The following BCHE variants were observed in gnomAD, a reference collection of about 807,000 sequenced individuals.
The protein encoded by BCHE is cholinesterase.
Under a neutral mutation model 51.3 loss-of-function variants are expected in BCHE, and 48 were observed. The ratio of observed to expected loss-of-function variants is 0.94; its 90% CI spans 0.74 to 1.19. BCHE has a LOEUF of 1.19. BCHE is among the 50% of genes most tolerant of loss of function. The pLI, the probability that BCHE is intolerant of heterozygous loss-of-function variation, is 0.00. For missense variants in BCHE, 847 were observed against 708.2 expected (o/e 1.20, Z -2.23); for synonymous variants, 251 against 238.0 (o/e 1.05, Z -0.50).
At chr3:165,778,971 T>A (rs1712578713) in intron 3 of BCHE, among the ~76,000 whole-genome samples, 1 of 152,118 alleles carries the variant, frequency 6.6e-6, no homozygotes, top group African/African-American at 2.4e-5. Context: ...TTAGGAATAT[T>A]TCACATTAAT....
At chr3:165,824,979 A>G (rs940221395) in intron 2 of BCHE, among the ~76,000 whole-genome samples, 2 of 152,142 alleles carry the variant, frequency 1.3e-5, no homozygotes, top group African/African-American at 2.4e-5. Context: ...TCTAATCTTT[A>G]TTTGGAAATG....
chr3:165,786,063 C>T, intron 3 of BCHE, 82 bp downstream of exon 3: 5 of 1,435,246 alleles, frequency 3.5e-6, no homozygotes, highest in Non-Finnish European at 4.9e-6. Context: ...AACTCCATCA[C>T]CGTGCCTTGG....
intron 2 of BCHE, among the ~76,000 whole-genome samples, chr3:165,826,782 T>C (rs1055780478): frequency 4.6e-5 from 7 of 152,152 alleles, no homozygotes; most frequent in African/African-American, 1.7e-4. Flanking sequence ...ATAAGACATT[T>C]TGAAGTTCTG....
At chr3:165,818,774 C>A (rs996474681) in intron 2 of BCHE, among the ~76,000 whole-genome samples, 1 of 152,024 alleles carries the variant, frequency 6.6e-6, no homozygotes, top group Middle Eastern at 3.2e-3. Flanking sequence ...TATAGGTATA[C>A]CCAGATCTAT....
chr3:165,803,618 G>T (rs1713751989), intron 2 of BCHE, among the ~76,000 whole-genome samples: 1 of 152,050 alleles, frequency 6.6e-6, no homozygotes, highest in Non-Finnish European at 1.5e-5. Context: ...AGAGAATTCT[G>T]GTTTGGTTAT....
chr3:165,776,376 T>C (rs1712471997), intron 3 of BCHE, among the ~76,000 whole-genome samples: 1 of 151,980 alleles, frequency 6.6e-6, no homozygotes, highest in African/African-American at 2.4e-5. Flanking sequence ...AGAATAATGC[T>C]GCCACCAATG....
rs184860175 is a variant in BCHE at position 165,821,204 on chromosome 3, A to G, written c.1517+8313T>C. 4.1e-3 allele frequency among the ~76,000 whole-genome samples: 630 copies of G among 152,044 alleles called. 2 individuals carry two copies. The highest frequency in any genetic ancestry group is 6.9e-3 in the Non-Finnish European group (469 of 67,862). On this transcript the variant is annotated intron_variant, in intron 2 of 3. Coordinates refer to ENST00000264381, the MANE Select transcript of BCHE (RefSeq NM_000055.4). ...ACCTCTAAGAATTGTATTGTGGTAA[A>G]GTTCTATAATATTTATTAGTTGAAA...
intron 2 of BCHE, among the ~76,000 whole-genome samples, chr3:165,820,224 T>C (rs1355824055): frequency 1.3e-5 from 2 of 152,120 alleles, no homozygotes; most frequent in Admixed American, 6.6e-5. Context: ...GATTTCTCTA[T>C]CTCATTCCAC....
chr3:165,808,769 CA>C (rs1030381312), intron 2 of BCHE, among the ~76,000 whole-genome samples: 1 of 150,640 alleles, frequency 6.6e-6, no homozygotes, highest in African/African-American at 2.4e-5. Context: ...CCTGTCTTTT[CA>C]AAAAAAAGGC....
intron 3 of BCHE, 119 bp from the exon 4 acceptor site, chr3:165,773,625 A>C (rs1210502297): frequency 5.3e-6 from 4 of 758,396 alleles, no homozygotes; most frequent in Non-Finnish European, 8.1e-6. Flanking sequence ...TATTTTCTTT[A>C]TTTATTCTTT....
chr3:165,785,593 A>G (rs918061100), intron 3 of BCHE, among the ~76,000 whole-genome samples: 3 of 151,762 alleles, frequency 2.0e-5, no homozygotes, highest in African/African-American at 7.2e-5. Flanking sequence ...GTAATATTAT[A>G]TCATATCATA....
At chr3:165,800,002 A>T (rs537001407) in intron 2 of BCHE, among the ~76,000 whole-genome samples, 12 of 105,662 alleles carry the variant, frequency 1.1e-4, no homozygotes, top group African/African-American at 3.8e-4. Context: ...TTAGCCTTCA[A>T]TTATTTCTCA....
At chr3:165,797,721 CTGTT>C (rs1433060575) in intron 2 of BCHE, among the ~76,000 whole-genome samples, 1 of 152,106 alleles carries the variant, frequency 6.6e-6, no homozygotes, top group Non-Finnish European at 1.5e-5. Context: ...TTATTCACGT[CTGTT>C]TGCTTTAGTC....
chr3:165,802,498 C>T (rs1713693087), intron 2 of BCHE, among the ~76,000 whole-genome samples: 1 of 152,012 alleles, frequency 6.6e-6, no homozygotes, highest in Non-Finnish European at 1.5e-5. Context: ...AGAAAACATA[C>T]CTTGGTGGCT....
At position 165,786,243 on chromosome 3, in the gene BCHE, A is replaced by G; in HGVS notation, c.1586T>C (p.Leu529Pro). 6.2e-7 allele frequency: 1 copy of G among 1,612,288 alleles called. No individual in the cohort carries two copies. The highest frequency in any genetic ancestry group is 1.1e-5 in the South Asian group (1 of 91,030). Reference protein sequence around the residue: ...PVFKSTEQKYLTLNTESTRIM... With the variant: ...PVFKSTEQKYPTLNTESTRIM... Reference sequence around the variant, plus strand: ...TCTTGTTGACTCTGTATTCAAGGTTAGATATTTTTGTTCAGTGCTTTTGAA... The same window carrying G: ...TCTTGTTGACTCTGTATTCAAGGTTGGATATTTTTGTTCAGTGCTTTTGAA... The change falls in exon 3 of 4, where the codon CTA (leucine) becomes CCA (proline). Residue 529 changes from leucine to proline, a missense_variant. Transcript: ENST00000264381.
intron 3 of BCHE, among the ~76,000 whole-genome samples, chr3:165,775,608 C>G (rs545552771): frequency 6.6e-6 from 1 of 151,342 alleles, no homozygotes; most frequent in South Asian, 2.1e-4. Flanking sequence ...AGAAAGAGTC[C>G]TAGATCTGAT....
intron 3 of BCHE, among the ~76,000 whole-genome samples, chr3:165,782,568 G>A (rs1382570103): frequency 1.3e-5 from 2 of 151,834 alleles, no homozygotes; most frequent in African/African-American, 4.8e-5. Context: ...TTTTTGTCTA[G>A]CCAAAAAGGA....
At chr3:165,813,784 A>T (rs1714199243) in intron 2 of BCHE, among the ~76,000 whole-genome samples, 1 of 151,972 alleles carries the variant, frequency 6.6e-6, no homozygotes, top group South Asian at 2.1e-4. Context: ...CTTTATATAT[A>T]AATGGTCTGC....
intron 2 of BCHE, among the ~76,000 whole-genome samples, chr3:165,824,762 C>T (rs1714657170): frequency 1.3e-5 from 2 of 151,722 alleles, no homozygotes; most frequent in African/African-American, 4.8e-5. Flanking sequence ...ATACATAAAA[C>T]TGTTAGGGAT....
Sources: gnomAD v4.1 joint callset for allele counts (sites outside exome capture counted in the v4.1 genomes callset) on GRCh38, gnomAD v4.1.1 for gene constraint, MANE v1.5 for transcripts, NCBI Gene and HGNC (gene_info 2026-07-23, HGNC 2026-07-21) for gene names.